The following DGKD variants were observed in gnomAD, a reference collection of about 807,000 sequenced individuals.
The protein encoded by DGKD is DAG kinase delta.
In DGKD, 68 loss-of-function variants were observed where a neutral mutation model predicts 154.4. The ratio of observed to expected loss-of-function variants is 0.44; its 90% confidence interval spans 0.36 to 0.54. DGKD has a LOEUF of 0.54. DGKD is among the 20% of genes least tolerant of loss of function. The probability of loss-of-function intolerance (pLI) is 0.00; values close to 1 mark genes in which losing one functional copy is unlikely to be tolerated. For missense variants in DGKD, 1,343 were observed against 1,593.6 expected, an observed-to-expected ratio of 0.84 and a Z score of 2.68; for synonymous variants, 693 against 638.0, an observed-to-expected ratio of 1.09 and a Z score of -1.30.
intron 3 of DGKD, among the ~76,000 whole-genome samples, chr2:233,428,231 C>T (rs144286866): frequency 6.6e-6 from 1 of 152,188 alleles, no homozygotes; most frequent in African/African-American, 2.4e-5. Flanking sequence ...GGAGGCATGG[C>T]ATGGAAGTGT....
At chr2:233,385,915 T>TTC (rs3075537) in intron 1 of DGKD, 381,764 of 470,048 alleles carry the variant, frequency 0.81, 156,994 homozygotes, top group African/African-American at 0.95. Flanking sequence ...AGCACTCTTG[T>TTC]TATAAATAAA....
At chr2:233,389,211 A>G (rs1421096201) in intron 2 of DGKD, among the ~76,000 whole-genome samples, 1 of 152,236 alleles carries the variant, frequency 6.6e-6, no homozygotes, top group East Asian at 1.9e-4. Context: ...GAAATGGGAA[A>G]TTCTTTATTT....
At chr2:233,390,528 G>GGC in intron 3 of DGKD, 45 bp downstream of exon 3, 1 of 1,502,462 alleles carries the variant, frequency 6.7e-7, no homozygotes, top group Non-Finnish European at 9.3e-7. Flanking sequence ...CACTGAAGTT[G>GGC]GCTTTCCTTT....
At chr2:233,446,324 T>C (rs1299550311) in intron 11 of DGKD, among the ~76,000 whole-genome samples, 1 of 152,224 alleles carries the variant, frequency 6.6e-6, no homozygotes, top group Non-Finnish European at 1.5e-5. Flanking sequence ...CTGAGCACAG[T>C]TGTGGTTTTG....
intron 3 of DGKD, 41 bp from the exon 4 acceptor site, chr2:233,434,339 C>T: frequency 6.6e-7 from 1 of 1,523,016 alleles, no homozygotes; most frequent in Non-Finnish European, 9.1e-7. Context: ...TCAGCACTTG[C>T]CTTTTGTTCA....
At chr2:233,462,911 CCT>C (rs1205363871) in intron 26 of DGKD, among the ~76,000 whole-genome samples, 176 bp downstream of exon 26, 1 of 152,240 alleles carries the variant, frequency 6.6e-6, no homozygotes, top group Non-Finnish European at 1.5e-5. Flanking sequence ...GCTGGCAACC[CCT>C]CAGTCAGGTT....
Position 233,457,507 on chromosome 2 carries a change from G to GC in DGKD, c.2580+180dup. On this transcript the variant is annotated intron_variant, in intron 21 of 29. Transcript: ENST00000264057. The surrounding 1 kb of genome is among the most constrained non-coding windows in gnomAD (Gnocchi z 5.5). ...CCCAGCTCATCGTCTAGAGGGCTGA[G>GC]CAGAGCAGTTGTGTCAGTGAAGGTG... The GC allele has an allele frequency of 5.8e-6, 4 of 686,726 alleles. 1 individual carries two copies. The South Asian group carries it at 6.0e-5, about 10-fold the overall frequency. The allele number at this position is 686,726 out of a possible 1,614,324, so 42.5% of individuals were successfully genotyped here.
At chr2:233,368,546 A>G (rs1390337926) in intron 1 of DGKD, among the ~76,000 whole-genome samples, 7 of 152,106 alleles carry the variant, frequency 4.6e-5, no homozygotes, top group Admixed American at 4.6e-4. Flanking sequence ...GCTCACTTCA[A>G]CCGAGTTAAG....
chr2:233,436,327 C>G lies in DGKD; in HGVS notation c.705C>G (p.Pro235=). The change falls in exon 7 of 30, where the codon CCC becomes CCG. Residue 235 remains proline, a synonymous_variant. Transcript: ENST00000264057. The part of the protein sequence containing the change: ...IIEDADGIAM[P]HQWLEGNLPV... ...CTGTTTGGTTGCAGATTGCAATGCC[C>G]CACCAGTGGTTGGAAGGAAACCTAC... 5.6e-6 allele frequency: 9 copies of G among 1,614,194 alleles called. No homozygotes were observed. The highest frequency in any genetic ancestry group is 7.6e-6 in the Non-Finnish European group (9 of 1,180,040).
intron 13 of DGKD, 26 bp from the exon 14 acceptor site, chr2:233,448,250 G>A (rs2063150105): frequency 6.2e-7 from 1 of 1,614,122 alleles, no homozygotes; most frequent in Non-Finnish European, 8.5e-7. Flanking sequence ...CTCTCTAGAA[G>A]GGTCTTTCTG....
At chr2:233,404,748 C>T (rs2061642366) in intron 3 of DGKD, among the ~76,000 whole-genome samples, 1 of 151,930 alleles carries the variant, frequency 6.6e-6, no homozygotes, top group Admixed American at 6.6e-5. Context: ...GATCAGGGGA[C>T]TCTGGCTTAT....
intron 3 of DGKD, among the ~76,000 whole-genome samples, chr2:233,420,852 C>T (rs2062090973): frequency 6.6e-6 from 1 of 152,186 alleles, no homozygotes; most frequent in African/African-American, 2.4e-5. Context: ...TGTGGACGTA[C>T]ACTTTCCCAG....
chr2:233,463,557 TCCACGCATCTCCTC>T (rs2063731369), intron 26 of DGKD, among the ~76,000 whole-genome samples: 1 of 142,940 alleles, frequency 7.0e-6, no homozygotes, highest in African/African-American at 2.7e-5. Flanking sequence ...ATCTCCTCAC[TCCACGCATCTCCTC>T]ACTCCACGCA....
Position 233,458,180 on chromosome 2 carries a change from G to C in DGKD, c.2581-104G>C, listed in dbSNP as rs191352198. On this transcript the variant is annotated intron_variant, in intron 21 of 29. Transcript: ENST00000264057. This position sits in a 1 kb window ranked among gnomAD's most constrained non-coding sequence, Gnocchi z 6.6. ...GAGTGCAGTTACCTGGTAACTTCTC[G>C]CCAGCTAGGAGGGGCTGACCCCCAG... 14 of 666,054 alleles carry C rather than the reference G, an allele frequency of 2.1e-5. No individual in the cohort carries two copies. In the East Asian group the frequency reaches 3.6e-4, roughly 17 times the overall value. The allele number at this position is 666,054 out of a possible 1,614,324, so 41.3% of individuals were successfully genotyped here. A position where few individuals can be genotyped will look rare whatever the true frequency, so the allele number is the denominator to read the frequency against.
intron 27 of DGKD, among the ~76,000 whole-genome samples, chr2:233,466,201 T>C (rs2063818896): frequency 6.6e-6 from 1 of 151,486 alleles, no homozygotes; most frequent in African/African-American, 2.4e-5. Context: ...TTTTTGTAAA[T>C]GTATCTTGTA....
intron 1 of DGKD, among the ~76,000 whole-genome samples, chr2:233,357,537 CTTTTTTTTT>C (rs374813757): frequency 7.7e-6 from 1 of 129,226 alleles, no homozygotes; most frequent in Non-Finnish European, 1.6e-5. Context: ...TTCTTTCTTT[CTTTTTTTTT>C]TTTTTTTTTG....
intron 3 of DGKD, among the ~76,000 whole-genome samples, chr2:233,403,870 G>A (rs2061617818): frequency 6.6e-6 from 1 of 152,060 alleles, no homozygotes; most frequent in Admixed American, 6.5e-5. Context: ...TCGAACTCCT[G>A]ACCTCGTGAT....
intron 1 of DGKD, among the ~76,000 whole-genome samples, chr2:233,362,719 C>T (rs765481381): frequency 2.4e-4 from 37 of 152,314 alleles, no homozygotes; most frequent in Middle Eastern, 3.4e-3. Flanking sequence ...GTACCATGAA[C>T]AGATTCGATA....
At chr2:233,451,100 G>A (rs144429998) in intron 17 of DGKD, 50 bp downstream of exon 17, 23 of 1,570,900 alleles carry the variant, frequency 1.5e-5, no homozygotes, top group Non-Finnish European at 2.0e-5. Context: ...GCACAACACT[G>A]GTCCCGTCAA....
Sources: allele counts gnomAD v4.1 joint callset (sites outside exome capture counted in the v4.1 genomes callset), GRCh38; gene constraint gnomAD v4.1.1; non-coding constraint Gnocchi (gnomAD v3.1); transcripts MANE v1.5; gene names NCBI Gene and HGNC (gene_info 2026-07-23, HGNC 2026-07-21).